The following ALDH3B2 variants were observed in gnomAD, a reference collection of about 807,000 sequenced individuals.
The protein encoded by ALDH3B2 is aldehyde dehydrogenase 3 family member B2, also known as aldehyde dehydrogenase family 3 member B2.
Under a neutral mutation model 36.7 loss-of-function variants are expected in ALDH3B2, and 45 were observed. That is an observed-to-expected ratio of 1.23 (90% CI 0.97 to 1.57). The LOEUF is 1.57. Ranked by LOEUF, ALDH3B2 falls within the 40% of genes most tolerant of loss-of-function variation. The probability of loss-of-function intolerance (pLI) is 0.00; values close to 1 mark genes in which losing one functional copy is unlikely to be tolerated. For missense variants in ALDH3B2, 464 were observed against 513.3 expected (o/e 0.90, Z 0.93); for synonymous variants, 217 against 226.5 (o/e 0.96, Z 0.38).
chr11:67,679,334 T>G (rs1856326848), upstream of ALDH3B2, among the ~76,000 whole-genome samples: 1 of 151,838 alleles, frequency 6.6e-6, no homozygotes, highest in African/African-American at 2.4e-5. Context: ...AGCCATGCAT[T>G]GTGGCGTGCA....
At chr11:67,664,228 C>T (rs1428203798) in intron 8 of ALDH3B2, 168 bp downstream of exon 8, 1 of 1,122,406 alleles carries the variant, frequency 8.9e-7, no homozygotes, top group East Asian at 2.5e-5. Context: ...CCTGTCCTCT[C>T]TGCCAGGCAT....
exon 4 of ALDH3B2, chr11:67,666,675 A>C: frequency 1.2e-6 from 2 of 1,614,114 alleles, no homozygotes; most frequent in Non-Finnish European, 1.7e-6. Flanking sequence ...CCAGATGAAG[A>C]CCGAGTCCAG....
upstream of ALDH3B2, among the ~76,000 whole-genome samples, chr11:67,675,909 C>T (rs528532548): frequency 1.8e-4 from 28 of 152,248 alleles, no homozygotes; most frequent in South Asian, 4.1e-4. Context: ...CCTGAATAGA[C>T]GTAAATAAAT....
upstream of ALDH3B2, among the ~76,000 whole-genome samples, chr11:67,677,852 G>A (rs1346266501): frequency 6.6e-6 from 1 of 151,804 alleles, no homozygotes; most frequent in Non-Finnish European, 1.5e-5. Flanking sequence ...TCCCTTTGAC[G>A]ATAGCAAAAA....
chr11:67,665,146 C>T, intron 7 of ALDH3B2, 139 bp downstream of exon 7: 1 of 1,432,168 alleles, frequency 7.0e-7, no homozygotes, highest in South Asian at 1.4e-5. Context: ...AATCGTGGCA[C>T]CAGAGCCATG....
chr11:67,663,672 G>C (rs754902808), exon 9 of ALDH3B2: 1 of 1,610,424 alleles, frequency 6.2e-7, no homozygotes, highest in East Asian at 2.2e-5. Flanking sequence ...CGACTCCCCC[G>C]AATGGCACGG....
chr11:67,672,234 A>G (rs1856148822), intron 1 of ALDH3B2, among the ~76,000 whole-genome samples: 1 of 146,020 alleles, frequency 6.8e-6, no homozygotes, highest in Non-Finnish European at 1.5e-5. Flanking sequence ...TGCAATCTCC[A>G]TCTCCCGGAT....
chr11:67,664,939 G>A (rs761568889), intron 7 of ALDH3B2, among the ~76,000 whole-genome samples: 22 of 152,206 alleles, frequency 1.4e-4, no homozygotes, highest in Non-Finnish European at 2.6e-4. Context: ...TCAGGATGGG[G>A]CCGTCAGAGT....
intron 1 of ALDH3B2, among the ~76,000 whole-genome samples, chr11:67,672,149 T>TGTA (rs1491503404): frequency 8.6e-3 from 97 of 11,220 alleles, no homozygotes; most frequent in Non-Finnish European, 0.026. Context: ...TATATATGTA[T>TGTA]TTTTTTTTTT....
exon 10 of ALDH3B2, chr11:67,662,989 C>T: frequency 1.7e-6 from 1 of 577,944 alleles, no homozygotes; most frequent in South Asian, 2.2e-5. Flanking sequence ...AGTGAGGACA[C>T]CTGGCATGTT....
intron 2 of ALDH3B2, 83 bp from the exon 3 acceptor site, chr11:67,667,099 C>G: frequency 1.4e-6 from 1 of 722,382 alleles, no homozygotes; most frequent in Non-Finnish European, 2.4e-6. Flanking sequence ...CACACGCAGG[C>G]ACCACCACCA....
chr11:67,678,820 AT>A (rs1856318335), upstream of ALDH3B2, among the ~76,000 whole-genome samples: 1 of 151,640 alleles, frequency 6.6e-6, no homozygotes, highest in African/African-American at 2.4e-5. Flanking sequence ...GTATATATAT[AT>A]ATATGTTTGA....
chr11:67,667,574 G>A (rs1273868788), exon 2 of ALDH3B2: 4 of 380,688 alleles, frequency 1.1e-5, no homozygotes, highest in Non-Finnish European at 1.8e-5. Context: ...TCGGCCGGCC[G>A]CGTGCGCCCT....
chr11:67,664,359 A>C (rs1197823622), intron 8 of ALDH3B2, 37 bp downstream of exon 8: 1 of 1,612,798 alleles, frequency 6.2e-7, no homozygotes, highest in Non-Finnish European at 8.5e-7. Context: ...TGCCCCTTTC[A>C]GCCCCTCCAT....
At chr11:67,664,199 G>C (rs1042160169) in intron 8 of ALDH3B2, 197 bp downstream of exon 8, 2 of 803,592 alleles carry the variant, frequency 2.5e-6, no homozygotes, top group African/African-American at 1.7e-5. Context: ...GACCCGCTAA[G>C]TGTCTGGTGG....
At chr11:67,673,475 C>G (rs1038850318) in intron 1 of ALDH3B2, among the ~76,000 whole-genome samples, 2 of 152,152 alleles carry the variant, frequency 1.3e-5, no homozygotes, top group African/African-American at 4.8e-5. Flanking sequence ...TGCGGGGAAG[C>G]CGTAGGGGAG....
chr11:67,672,054 T>TATATATATAG (rs1856131408), intron 1 of ALDH3B2, among the ~76,000 whole-genome samples: 1 of 21,154 alleles, frequency 4.7e-5, no homozygotes, highest in Non-Finnish European at 9.3e-5. Flanking sequence ...TATATATATA[T>TATATATATAG]ATATATATAT....
At chr11:67,666,352 C>T (rs1356007654) in exon 5 of ALDH3B2, 2 of 1,606,200 alleles carry the variant, frequency 1.2e-6, no homozygotes, top group Admixed American at 1.7e-5. Context: ...CAGCCAGGAC[C>T]TTCTCTGTGC....
At position 67,665,335 on chromosome 11, in the gene ALDH3B2, C is replaced by T. The variant is rs1855868324; in HGVS notation, c.656G>A (p.Cys219Tyr). Reference sequence around the variant, plus strand: ...CTGGCCCCCAATGGCCACGCGGCTGCAGCCCAGCAATGCCCGCAGCCGCTG... The same window carrying T: ...CTGGCCCCCAATGGCCACGCGGCTGTAGCCCAGCAATGCCCGCAGCCGCTG... Residue 219 changes from cysteine to tyrosine, a missense_variant, in exon 7 of 10, where the codon TGC (cysteine) becomes TAC (tyrosine). Coordinates refer to ENST00000349015, the Ensembl canonical transcript of ALDH3B2. The T allele has an allele frequency of 2.5e-6, 4 of 1,612,152 alleles. No homozygotes were observed. In the East Asian group the frequency reaches 8.9e-5, roughly 36 times the overall value.
Sources: gnomAD v4.1 joint callset for allele counts (sites outside exome capture counted in the v4.1 genomes callset) on GRCh38, gnomAD v4.1.1 for gene constraint, MANE v1.5 for transcripts, NCBI Gene and HGNC (gene_info 2026-07-23, HGNC 2026-07-21) for gene names.